Variants in FGD6 observed in about 807,000 individuals in gnomAD.
The protein encoded by FGD6 is FYVE, RhoGEF and PH domain-containing protein 6.
A neutral mutation model predicts 149.4 loss-of-function variants in FGD6; 90 were observed. That is an observed-to-expected ratio of 0.60 (90% confidence interval 0.51 to 0.72). FGD6 has a LOEUF of 0.72. Among genes scored for constraint, FGD6 ranks in the 30% least tolerant of loss-of-function variants. The pLI is 0.00. For synonymous variants in FGD6, 527 were observed against 584.0 expected, an observed-to-expected ratio of 0.90 and a Z score of 1.41; for missense variants, 1,437 against 1,684.8, an observed-to-expected ratio of 0.85 and a Z score of 2.57.
Position 95,210,140 on chromosome 12 carries a change from T to C in FGD6, c.1144A>G (p.Asn382Asp), listed in dbSNP as rs1053218164. The C allele has an allele frequency of 1.2e-6, 2 of 1,613,942 alleles. No individual in the cohort carries two copies. The highest frequency in any genetic ancestry group is 1.7e-6 in the Non-Finnish European group (2 of 1,180,012). Residue 382 changes from asparagine to aspartate, a missense_variant, in exon 2 of 21, where the codon AAT (asparagine) becomes GAT (aspartate). Physicochemically the swap from Asn to Asp is conservative, Grantham distance 23. This residue lies in a region of FGD6 where 1,055 missense variants were observed against 1,146.0 expected (regional missense o/e 0.92). Transcript: ENST00000343958. ...QEQVDKMKLG[N>D]KSELNMESNS... ...GATTCCATATTCAATTCACTTTTAT[T>C]TCCTAGCTTCATTTTATCCACCTGT... is the stretch of plus-strand genomic sequence containing the variant.
At chr12:95,178,288 A>G (rs1881189712) in intron 2 of FGD6, among the ~76,000 whole-genome samples, 1 of 152,176 alleles carries the variant, frequency 6.6e-6, no homozygotes, top group Non-Finnish European at 1.5e-5. Flanking sequence ...TTTTTCAAAC[A>G]CAAGATGGTG....
At chr12:95,203,409 C>G (rs1476689994) in intron 2 of FGD6, among the ~76,000 whole-genome samples, 1 of 152,202 alleles carries the variant, frequency 6.6e-6, no homozygotes, top group Non-Finnish European at 1.5e-5. Flanking sequence ...CCTTCTCCAA[C>G]AGTACCACTA....
chr12:95,126,064 C>A, intron 8 of FGD6: 1 of 1,218,784 alleles, frequency 8.2e-7, no homozygotes, highest in Non-Finnish European at 1.2e-6. Flanking sequence ...GAAAGGAAAG[C>A]CAAGATGACA....
intron 20 of FGD6, among the ~76,000 whole-genome samples, chr12:95,082,586 G>A (rs1413117156): frequency 6.7e-6 from 1 of 149,658 alleles, no homozygotes; most frequent in Non-Finnish European, 1.5e-5. Flanking sequence ...GAACCCAGGA[G>A]GCAGAGGTTG....
Position 95,209,294 on chromosome 12 carries a change from T to C in FGD6, c.1990A>G (p.Ser664Gly). The change falls in exon 2 of 21, where the codon AGT becomes GGT. Residue 664 changes from serine to glycine, a missense_variant. By Grantham distance (56) the Ser-to-Gly change is moderately conservative (BLOSUM62 0). Transcript: ENST00000343958. The part of the protein sequence containing the change: ...LGDTTTGHLS[S>G]GEQKGIESDW... ...CTTTCAATCCCCTTCTGCTCCCCAC[T>C]GGAGAGGTGGCCTGTGGTGGTGTCT... 6.2e-7 allele frequency: 1 copy of C among 1,614,090 alleles called. No individual in the cohort carries two copies. Among genetic ancestry groups the C allele is most frequent in the African/African-American group, 1.3e-5 (1 of 75,042 alleles).
intron 2 of FGD6, among the ~76,000 whole-genome samples, chr12:95,195,586 T>C (rs536704994): frequency 3.7e-4 from 55 of 150,676 alleles, no homozygotes; most frequent in Non-Finnish European, 1.0e-4. Context: ...GTGGGTAGAT[T>C]TTAATTTAAT....
chr12:95,108,266 A>G, intron 11 of FGD6, 82 bp downstream of exon 11: 1 of 1,272,382 alleles, frequency 7.9e-7, no homozygotes, highest in Non-Finnish European at 1.1e-6. Context: ...AAAACAACCT[A>G]TTTTTATAAA....
chr12:95,164,233 T>C lies in FGD6; in HGVS notation c.2586+8367A>G, dbSNP rs796945182. Among the ~76,000 whole-genome samples the C allele has an allele frequency of 9.5e-4, 144 of 152,194 alleles. 5 individuals carry two copies. In the South Asian group the frequency reaches 0.029, roughly 31 times the overall value. On this transcript the variant is annotated intron_variant, in intron 3 of 20. Coordinates refer to ENST00000343958, the MANE Select transcript of FGD6 (RefSeq NM_018351.4). ...TAGCCCAGCTTTGTAAATTCTTTTTTTTTTTTTCCTTCCTTTTTTTTTTTT... is the reference window on the plus strand; with the variant it reads ...TAGCCCAGCTTTGTAAATTCTTTTTCTTTTTTTCCTTCCTTTTTTTTTTTT...
In FGD6 at chr12:95,125,165, C is replaced by CA. The variant is rs558950459; in HGVS notation, c.3082+9573dup. 1.9e-3 allele frequency among the ~76,000 whole-genome samples: 287 copies of CA among 151,972 alleles called. 8 individuals are homozygous for CA. The highest frequency in any genetic ancestry group is 0.018 in the Admixed American group (268 of 15,262). On this transcript the variant is annotated intron_variant, in intron 8 of 20. Coordinates refer to ENST00000343958, the MANE Select transcript of FGD6 (RefSeq NM_018351.4). Reference sequence around the variant, plus strand: ...TCAGACTGCCAGAAGAATCTAGGCACAAAAAAATTTAAGAACTCCTGTTCT... The same window carrying CA: ...TCAGACTGCCAGAAGAATCTAGGCACAAAAAAAATTTAAGAACTCCTGTTCT...
chr12:95,150,551 T>C (rs1880280413), intron 5 of FGD6, among the ~76,000 whole-genome samples: 1 of 152,044 alleles, frequency 6.6e-6, no homozygotes, highest in Non-Finnish European at 1.5e-5. Flanking sequence ...TTAAACATAT[T>C]ATAATTTATA....
intron 2 of FGD6, among the ~76,000 whole-genome samples, chr12:95,193,217 A>C (rs1017090632): frequency 7.9e-5 from 12 of 152,248 alleles, no homozygotes; most frequent in African/African-American, 2.9e-4. Context: ...TGACAGATTT[A>C]TTTGTAAAAG....
At chr12:95,082,697 A>AC (rs1256073734) in intron 20 of FGD6, among the ~76,000 whole-genome samples, 1 of 150,770 alleles carries the variant, frequency 6.6e-6, no homozygotes, top group Non-Finnish European at 1.5e-5. Flanking sequence ...TTTCACAGAC[A>AC]TCTTTCCAAA....
chr12:95,086,314 T>G (rs1877861330), intron 18 of FGD6, among the ~76,000 whole-genome samples: 1 of 152,058 alleles, frequency 6.6e-6, no homozygotes, highest in Non-Finnish European at 1.5e-5. Context: ...ATTTGAACCT[T>G]TAATTCTGTT....
Position 95,086,992 on chromosome 12 carries a change from C to T in FGD6, c.3979-1084G>A, listed in dbSNP as rs371116309. ...CCTCCCGAGTAGCTGGGATTACAGGCGTGCACCACCATGTCCAGCTAATTT... is the reference window on the plus strand; with the variant it reads ...CCTCCCGAGTAGCTGGGATTACAGGTGTGCACCACCATGTCCAGCTAATTT... On this transcript the variant is annotated intron_variant, in intron 18 of 20. Coordinates refer to ENST00000343958, the MANE Select transcript of FGD6 (RefSeq NM_018351.4). Among the ~76,000 whole-genome samples the T allele has an allele frequency of 4.7e-4, 71 of 151,836 alleles. No homozygotes were observed. In the Middle Eastern group the frequency reaches 0.014, roughly 29 times the overall value.
intron 6 of FGD6, among the ~76,000 whole-genome samples, chr12:95,140,188 C>T (rs1461952553): frequency 6.6e-6 from 1 of 152,206 alleles, no homozygotes; most frequent in East Asian, 1.9e-4. Flanking sequence ...CCATGGTTTT[C>T]AACAGTAAAT....
chr12:95,210,993 A>G lies in FGD6; in HGVS notation c.291T>C (p.Tyr97=). The part of the protein sequence containing the change: ...AESTDNFNCK[Y]EGNQSNDYIS... ...TATAATCATTGCTCTGATTGCCTTC[A>G]TATTTACAATTAAAGTTGTCAGTGC... is the stretch of plus-strand genomic sequence containing the variant. Residue 97 remains tyrosine (Y), a synonymous_variant, in exon 2 of 21, where the codon TAT becomes TAC. Transcript: ENST00000343958. The G allele has an allele frequency of 1.2e-6, 2 of 1,614,232 alleles. No individual in the cohort carries two copies. Among genetic ancestry groups the G allele is most frequent in the Non-Finnish European group, 1.7e-6 (2 of 1,180,042 alleles).
At chr12:95,113,454 T>G (rs544128645) in intron 9 of FGD6, among the ~76,000 whole-genome samples, 197 bp downstream of exon 9, 170 of 152,118 alleles carry the variant, frequency 1.1e-3, no homozygotes, top group African/African-American at 3.8e-3. Context: ...CAGGCTGGTC[T>G]CAAACTCTTG....
intron 12 of FGD6, 57 bp downstream of exon 12, chr12:95,107,506 T>G: frequency 6.4e-7 from 1 of 1,573,634 alleles, no homozygotes; most frequent in Non-Finnish European, 8.7e-7. Context: ...AAACGTCTCC[T>G]TTCCTTAAGC....
In FGD6 at chr12:95,089,671, TC is replaced by T; in HGVS notation, c.3875del (p.Gly1292AspfsTer45). The T allele has an allele frequency of 6.2e-7, 1 of 1,613,884 alleles. No homozygotes were observed. Among genetic ancestry groups the T allele is most frequent in the Non-Finnish European group, 8.5e-7 (1 of 1,179,850 alleles). ...AAGGAGATTTGTGATTTCCAGGAGATCCAATCCTAGGGGAGTGCTGGTGATC... is the reference window on the plus strand; with the variant it reads ...AAGGAGATTTGTGATTTCCAGGAGATCAATCCTAGGGGAGTGCTGGTGATC... ...KLDHQHSPRI[G>X]SPGNHKSPSS... On this transcript the variant is annotated frameshift_variant, in exon 18 of 21. Coordinates refer to ENST00000343958, the MANE Select transcript of FGD6 (RefSeq NM_018351.4). LOFTEE classifies it high-confidence loss of function.
Sources: allele counts gnomAD v4.1 joint callset (sites outside exome capture counted in the v4.1 genomes callset), GRCh38; gene constraint gnomAD v4.1.1; regional missense constraint gnomAD v4.1.1; transcripts MANE v1.5; gene names NCBI Gene and HGNC (gene_info 2026-07-23, HGNC 2026-07-21).